MBP: variants seen among roughly 807,000 people sequenced by gnomAD.
The protein encoded by MBP is myelin basic protein.
In MBP, 16 loss-of-function variants were observed where a neutral mutation model predicts 35.8. The observed-to-expected ratio is 0.45, with a 90% confidence interval of 0.30 to 0.68. MBP has a LOEUF of 0.68. MBP is among the 30% of genes least tolerant of loss of function. The pLI is 0.08. For missense variants in MBP, 380 were observed against 404.7 expected (o/e 0.94, Z 0.52); for synonymous variants, 143 against 159.6 (o/e 0.90, Z 0.78).
intron 3 of MBP, among the ~76,000 whole-genome samples, chr18:77,034,413 G>A (rs1370256753): frequency 2.6e-5 from 4 of 152,178 alleles, no homozygotes; most frequent in Non-Finnish European, 5.9e-5. Context: ...CCTGGAGACC[G>A]GGAGTGCAGA....
chr18:77,011,588 G>T (rs1971354784), intron 4 of MBP, among the ~76,000 whole-genome samples: 1 of 152,154 alleles, frequency 6.6e-6, no homozygotes, highest in Admixed American at 6.5e-5. Flanking sequence ...TGTAACCCCG[G>T]CTGCCTGCCA....
chr18:77,091,768 A>C (rs1176429979), intron 2 of MBP, among the ~76,000 whole-genome samples: 2 of 151,836 alleles, frequency 1.3e-5, no homozygotes, highest in East Asian at 3.8e-4. Context: ...TATATATGCC[A>C]CACACACACC....
At chr18:77,081,897 G>T (rs1316162516) in intron 2 of MBP, among the ~76,000 whole-genome samples, 1 of 98,464 alleles carries the variant, frequency 1.0e-5, no homozygotes, top group East Asian at 3.5e-4. Context: ...TGTCGCACAG[G>T]CTGGAGTGCA....
At chr18:77,108,538 G>A (rs923587816) in intron 1 of MBP, 3 of 152,176 alleles carry the variant, frequency 2.0e-5, no homozygotes, top group Admixed American at 6.5e-5. Flanking sequence ...TTCTAGATCC[G>A]ATTTCCAGCC....
intron 2 of MBP, among the ~76,000 whole-genome samples, chr18:77,094,802 G>A (rs924124795): frequency 7.2e-5 from 11 of 152,192 alleles, no homozygotes; most frequent in African/African-American, 2.4e-4. Context: ...GGAGCCACTC[G>A]CAACTGTGGC....
intron 2 of MBP, among the ~76,000 whole-genome samples, chr18:77,085,410 A>G (rs1975181248): frequency 6.6e-6 from 1 of 152,194 alleles, no homozygotes; most frequent in Non-Finnish European, 1.5e-5. Context: ...TTATCTCTTT[A>G]GTTTCTCTCC....
chr18:77,016,359 C>T (rs1971637361), intron 4 of MBP: 1 of 990,164 alleles, frequency 1.0e-6, no homozygotes, highest in Non-Finnish European at 1.2e-6. Flanking sequence ...CAAAAGTCTT[C>T]CTCGACCTCA....
At chr18:77,074,359 T>A (rs1307296683) in intron 2 of MBP, among the ~76,000 whole-genome samples, 1 of 151,704 alleles carries the variant, frequency 6.6e-6, no homozygotes, top group African/African-American at 2.4e-5. Flanking sequence ...GGGGGTTCAG[T>A]GAGCCTGGGT....
intron 3 of MBP, among the ~76,000 whole-genome samples, chr18:77,064,627 A>G (rs1283075373): frequency 6.6e-6 from 1 of 152,256 alleles, no homozygotes; most frequent in African/African-American, 2.4e-5. Context: ...TGTAGAAAAG[A>G]AAGGACTTTT....
At position 77,064,716 on chromosome 18, in the gene MBP, CTTTCCATAAATAA is replaced by C. The variant is rs1599170829; in HGVS notation, c.139+1569_139+1581del. Among the ~76,000 whole-genome samples the C allele has an allele frequency of 2.0e-5, 3 of 152,306 alleles. No homozygotes were observed. In the East Asian group the frequency reaches 5.8e-4, roughly 29 times the overall value. ...TAACAGCTGAAATATAAAGAAAGGC[CTTTCCATAAATAA>C]GCAAAGATCATGCTAGGGAATGTGG... On this transcript the variant is annotated intron_variant, in intron 3 of 8. Coordinates refer to ENST00000355994, the MANE Select transcript of MBP (RefSeq NM_001025101.2).
intron 2 of MBP, among the ~76,000 whole-genome samples, chr18:77,098,987 CT>C (rs1433800421): frequency 6.6e-5 from 10 of 151,780 alleles, no homozygotes; most frequent in African/African-American, 2.2e-4. Context: ...CTTCTCTCCC[CT>C]CCTCTCCATC....
In MBP at chr18:76,988,033, T is replaced by A; in HGVS notation, c.750+462A>T. On this transcript the variant is annotated intron_variant, in intron 7 of 8. Transcript: ENST00000355994. The surrounding 1 kb of genome is among the most constrained non-coding windows in gnomAD (Gnocchi z 5.2). ...GGTTATTATAAATCGAGCAACTCTA[T>A]TTAGCCTCTTTTTCTGTTCATCAGC... is the stretch of plus-strand genomic sequence containing the variant. 7.2e-7 allele frequency: 1 copy of A among 1,390,856 alleles called. No homozygotes were observed. The allele number at this position is 1,390,856 out of a possible 1,614,324, so 86.2% of individuals were successfully genotyped here.
At chr18:77,083,639 A>T (rs1331180507) in intron 2 of MBP, among the ~76,000 whole-genome samples, 2 of 152,258 alleles carry the variant, frequency 1.3e-5, no homozygotes, top group Non-Finnish European at 2.9e-5. Flanking sequence ...TATACAATGG[A>T]ATATTACTTA....
intron 3 of MBP, among the ~76,000 whole-genome samples, chr18:77,058,927 C>T (rs915163655): frequency 1.3e-5 from 2 of 152,202 alleles, no homozygotes; most frequent in Non-Finnish European, 2.9e-5. Flanking sequence ...ATGGACATAA[C>T]GAGACCTGCC....
intron 3 of MBP, among the ~76,000 whole-genome samples, chr18:77,050,984 T>G (rs1973465884): frequency 6.6e-6 from 1 of 152,166 alleles, no homozygotes; most frequent in Admixed American, 6.5e-5. Flanking sequence ...TTGCCTTTGG[T>G]GTTTTTGGTT....
chr18:76,989,876 G>A lies in MBP; in HGVS notation c.681+80C>T. 7.9e-7 allele frequency: 1 copy of A among 1,268,584 alleles called. No homozygotes were observed. The highest frequency in any genetic ancestry group is 1.2e-6 in the Non-Finnish European group (1 of 869,388). 78.6% of individuals were successfully genotyped at this position (1,268,584 alleles called of 1,614,324 possible). On this transcript the variant is annotated intron_variant, in intron 5 of 8. Transcript: ENST00000355994. This position sits in a 1 kb window ranked among gnomAD's most constrained non-coding sequence, Gnocchi z 4.0. ...CGGTGCCACCCCCGAGCGTACGAAC[G>A]TCCTGTGTGGATGACAGCAGTGGCC...
chr18:76,985,328 G>T, intron 7 of MBP: 3 of 1,291,926 alleles, frequency 2.3e-6, no homozygotes, highest in Non-Finnish European at 3.0e-6. Flanking sequence ...GTAGGTGCCG[G>T]TCCCCGGAGG....
In MBP at chr18:77,066,308, G is replaced by T. The variant is rs760137415; in HGVS notation, c.129C>A (p.Asn43Lys). 1 of 1,613,818 alleles carries T rather than the reference G, an allele frequency of 6.2e-7. No individual in the cohort carries two copies. The highest frequency in any genetic ancestry group is 8.5e-7 in the Non-Finnish European group (1 of 1,179,754). The change falls in exon 3 of 9, where the codon AAC becomes AAA. Residue 43 changes from asparagine to lysine, a missense_variant. Physicochemically the swap from Asn to Lys is moderately conservative, Grantham distance 94. Transcript: ENST00000355994. ...ATCTGCGTCACCTACCGAACACTTC[G>T]TTGTCCTCTGAGGTTGTCCGTGAAA... The part of the protein sequence containing the change: ...GELSRTTSED[N>K]EVFGEADANQ...
intron 2 of MBP, among the ~76,000 whole-genome samples, chr18:77,087,842 G>C (rs915697109): frequency 6.6e-6 from 1 of 152,128 alleles, no homozygotes. Context: ...ACGTGGGCTG[G>C]GATCCCCGCT....
Sources: gnomAD v4.1 joint callset for allele counts (sites outside exome capture counted in the v4.1 genomes callset) on GRCh38, gnomAD v4.1.1 for gene constraint, Gnocchi (gnomAD v3.1) non-coding constraint, MANE v1.5 for transcripts, NCBI Gene and HGNC (gene_info 2026-07-23, HGNC 2026-07-21) for gene names.